PLXNA4: variants seen among roughly 807,000 people sequenced by gnomAD.
The protein encoded by PLXNA4 is plexin-A4.
Under a neutral mutation model 191.8 loss-of-function variants are expected in PLXNA4, and 44 were observed. That is an observed-to-expected ratio of 0.23 (90% confidence interval 0.18 to 0.29). PLXNA4 has a LOEUF of 0.29. PLXNA4 is among the 10% of genes least tolerant of loss of function. The pLI, the probability that PLXNA4 is intolerant of heterozygous loss-of-function variation, is 1.00. For synonymous variants in PLXNA4, 1,082 were observed against 1,009.5 expected, an observed-to-expected ratio of 1.07 and a Z score of -1.36; for missense variants, 1,800 against 2,488.8, an observed-to-expected ratio of 0.72 and a Z score of 5.89.
chr7:132,170,454 T>TAAAC (rs1796251609), intron 21 of PLXNA4, among the ~76,000 whole-genome samples: 1 of 152,322 alleles, frequency 6.6e-6, no homozygotes, highest in South Asian at 2.1e-4. Flanking sequence ...TCCCAGCTCC[T>TAAAC]AAACAGCAGC....
chr7:132,173,106 T>C (rs7785277), intron 21 of PLXNA4, among the ~76,000 whole-genome samples: 33,727 of 152,114 alleles, frequency 0.22, 6,844 homozygotes, highest in African/African-American at 0.51. Flanking sequence ...CATCCAATCA[T>C]ACACACACAC....
At chr7:132,563,247 T>C (rs1297988732) in intron 1 of PLXNA4, among the ~76,000 whole-genome samples, 135 of 66,756 alleles carry the variant, frequency 2.0e-3, no homozygotes, top group Admixed American at 2.2e-3. Flanking sequence ...TCCTCCTCCT[T>C]CTCCTACTCC....
At chr7:132,646,244 C>G (rs141056017) in intron 1 of PLXNA4, among the ~76,000 whole-genome samples, 86 of 152,224 alleles carry the variant, frequency 5.6e-4, no homozygotes, top group African/African-American at 2.0e-3. Context: ...TACGGACTCT[C>G]TCGGGATGAG....
intron 3 of PLXNA4, among the ~76,000 whole-genome samples, chr7:132,303,544 G>A (rs960947057): frequency 6.6e-6 from 1 of 152,130 alleles, no homozygotes; most frequent in African/African-American, 2.4e-5. Context: ...ACTCCAGCCT[G>A]GGCGACAGAG....
At position 132,461,506 on chromosome 7, in the gene PLXNA4, A is replaced by G. The variant is rs1172886243; in HGVS notation, c.1371+27786T>C. 8.5e-5 allele frequency among the ~76,000 whole-genome samples: 13 copies of G among 152,316 alleles called. No individual in the cohort carries two copies. The East Asian group carries it at 2.3e-3, about 27-fold the overall frequency. ...CAGAGCAGACATCTTGATGAGAATG[A>G]TAATAATAATAGTGATAATAAAAGC... On this transcript the variant is annotated intron_variant, in intron 3 of 31. Coordinates refer to ENST00000321063, the MANE Select transcript of PLXNA4 (RefSeq NM_020911.2).
At chr7:132,238,287 G>C (rs759424587) in intron 5 of PLXNA4, among the ~76,000 whole-genome samples, 47 of 152,234 alleles carry the variant, frequency 3.1e-4, no homozygotes, top group Middle Eastern at 3.4e-3. Context: ...GTGACCAGAG[G>C]CTCCCAGGAA....
intron 3 of PLXNA4, among the ~76,000 whole-genome samples, chr7:132,480,090 A>G (rs545542769): frequency 6.6e-6 from 1 of 152,368 alleles, no homozygotes; most frequent in African/African-American, 2.4e-5. Flanking sequence ...AGCAAAGCCA[A>G]CACGGCCTCA....
chr7:132,482,939 C>G (rs1175614744), intron 3 of PLXNA4, among the ~76,000 whole-genome samples: 1 of 152,070 alleles, frequency 6.6e-6, no homozygotes, highest in Non-Finnish European at 1.5e-5. Flanking sequence ...GATCTGTGTG[C>G]CTCAGCCTCC....
chr7:132,512,872 C>A (rs190323152), intron 1 of PLXNA4, among the ~76,000 whole-genome samples: 86 of 152,322 alleles, frequency 5.6e-4, no homozygotes, highest in Middle Eastern at 3.4e-3. Context: ...CTCAAGTCAC[C>A]ATTTAGCTAG....
chr7:132,187,123 C>T (rs1483373173), intron 15 of PLXNA4, among the ~76,000 whole-genome samples: 1 of 152,072 alleles, frequency 6.6e-6, no homozygotes, highest in African/African-American at 2.4e-5. Context: ...CCTATTTCAA[C>T]TTTATACAAT....
intron 2 of PLXNA4, among the ~76,000 whole-genome samples, chr7:132,583,754 CCT>C (rs1178515883): frequency 6.6e-6 from 1 of 152,178 alleles, no homozygotes; most frequent in African/African-American, 2.4e-5. Flanking sequence ...CTATATTCTT[CCT>C]CTGTTTTTAA....
intron 3 of PLXNA4, among the ~76,000 whole-genome samples, chr7:132,467,407 C>T (rs952555824): frequency 5.9e-5 from 9 of 152,106 alleles, no homozygotes; most frequent in South Asian, 2.1e-4. Context: ...GCAGGGGACC[C>T]GTGAAAGACC....
At chr7:132,615,552 G>A (rs1182611666) in intron 2 of PLXNA4, among the ~76,000 whole-genome samples, 1 of 152,154 alleles carries the variant, frequency 6.6e-6, no homozygotes, top group Non-Finnish European at 1.5e-5. Context: ...TGTCCACTTC[G>A]GGATCTGTCT....
At chr7:132,298,653 G>A (rs1211868000) in intron 3 of PLXNA4, among the ~76,000 whole-genome samples, 2 of 152,266 alleles carry the variant, frequency 1.3e-5, no homozygotes, top group East Asian at 1.9e-4. Context: ...GTGTAAGGAT[G>A]GGAACTGCTA....
intron 3 of PLXNA4, among the ~76,000 whole-genome samples, chr7:132,458,291 T>C (rs113806525): frequency 4.6e-5 from 7 of 152,078 alleles, no homozygotes; most frequent in African/African-American, 1.7e-4. Context: ...TGCCATGACC[T>C]AGCAATTTCA....
intron 2 of PLXNA4, among the ~76,000 whole-genome samples, chr7:132,583,619 G>GT (rs1266706914): frequency 6.6e-6 from 1 of 152,212 alleles, no homozygotes; most frequent in Non-Finnish European, 1.5e-5. Flanking sequence ...GCCGCAGACA[G>GT]TTGCCTTAGG....
intron 20 of PLXNA4, among the ~76,000 whole-genome samples, chr7:132,177,178 TATGTGAGTGTGCATGCATGTGTGC>T (rs960357214): frequency 2.6e-4 from 38 of 143,700 alleles, no homozygotes; most frequent in African/African-American, 8.8e-4. Context: ...CGAGTGAGTG[TATGTGAGTGTGCATGCATGTGTGC>T]ATGTGAGTGT....
At chr7:132,340,172 C>T (rs1802971210) in intron 3 of PLXNA4, among the ~76,000 whole-genome samples, 1 of 152,190 alleles carries the variant, frequency 6.6e-6, no homozygotes, top group Non-Finnish European at 1.5e-5. Flanking sequence ...GGATTGGACT[C>T]CACGTACATC....
In PLXNA4 at chr7:132,487,575, C is replaced by T. The variant is rs185563962; in HGVS notation, c.1371+1717G>A. On this transcript the variant is annotated intron_variant, in intron 3 of 31. Transcript: ENST00000321063. ...TACTTCTCTCCTCAGTGTGGACTGA[C>T]GCGTGTCAGACACAATTTCAGAGTT... Among the ~76,000 whole-genome samples the T allele has an allele frequency of 4.7e-4, 72 of 152,312 alleles. No individual in the cohort carries two copies. In the East Asian group the frequency reaches 0.013, roughly 28 times the overall value.
Sources: gnomAD v4.1 joint callset for allele counts (sites outside exome capture counted in the v4.1 genomes callset) on GRCh38, gnomAD v4.1.1 for gene constraint, MANE v1.5 for transcripts, NCBI Gene and HGNC (gene_info 2026-07-23, HGNC 2026-07-21) for gene names.